The following WLS variants were observed in gnomAD, a reference collection of about 807,000 sequenced individuals.
WLS encodes protein wntless homolog.
Under a neutral mutation model 62.8 loss-of-function variants are expected in WLS, and 23 were observed. That is an observed-to-expected ratio of 0.37 (90% confidence interval 0.26 to 0.52). The LOEUF (loss-of-function observed/expected upper bound fraction) is 0.52, where lower values mean the gene tolerates loss of function less well. WLS is among the 20% of genes least tolerant of loss of function. WLS has a pLI of 0.92. For missense variants in WLS, 615 were observed against 697.3 expected (o/e 0.88, Z 1.33); for synonymous variants, 246 against 244.1 (o/e 1.01, Z -0.07).
rs116062712 is a variant in WLS at position 68,204,780 on chromosome 1, T to C, written c.107-10553A>G. On this transcript the variant is annotated intron_variant, in intron 1 of 11. Transcript: ENST00000262348. ...GAGGCCTCCTCTGATTTTCCTTCAG[T>C]TGACAAAAGATCCTTACTTCCTTTG... 2.0e-3 allele frequency among the ~76,000 whole-genome samples: 299 copies of C among 152,262 alleles called. 1 individual carries two copies. The highest frequency in any genetic ancestry group is 3.4e-3 in the Non-Finnish European group (234 of 68,016).
intron 11 of WLS, among the ~76,000 whole-genome samples, chr1:68,130,889 C>CTTTTTTTTTTTTTTTTTTT (rs56038722): frequency 2.0e-5 from 2 of 100,838 alleles, no homozygotes; most frequent in African/African-American, 3.8e-5. Flanking sequence ...GTTTCTTCTT[C>CTTTTTTTTTTTTTTTTTTT]TTTTTTTTTT....
At chr1:68,135,579 T>TA (rs759830943) in intron 11 of WLS, among the ~76,000 whole-genome samples, 2 of 152,212 alleles carry the variant, frequency 1.3e-5, no homozygotes, top group African/African-American at 2.4e-5. Flanking sequence ...TTTATGTACA[T>TA]AAAGTGCTGT....
At chr1:68,156,681 T>C (rs758731614) in intron 3 of WLS, among the ~76,000 whole-genome samples, 10 of 152,152 alleles carry the variant, frequency 6.6e-5, no homozygotes, top group Non-Finnish European at 1.5e-4. Flanking sequence ...GCATGTGAGA[T>C]TTTTAAAAAT....
At position 68,144,611 on chromosome 1, in the gene WLS, C is replaced by T; in HGVS notation, c.1320G>A (p.Leu440=). 1.2e-6 allele frequency: 2 copies of T among 1,613,732 alleles called. No individual in the cohort carries two copies. Among genetic ancestry groups the T allele is most frequent in the Non-Finnish European group, 1.7e-6 (2 of 1,179,752 alleles). ...AGATGACAGTCATGGCAGCGCAGGC[C>T]AAGGTGATAAGCATGAGGAACTTGA... is the stretch of plus-strand genomic sequence containing the variant. ...FRFKFLMLIT[L]ACAAMTVIFF... is the part of the protein sequence containing the mutation. The change falls in exon 10 of 12, where the codon TTG becomes TTA. Residue 440 remains leucine, a synonymous_variant. Coordinates refer to ENST00000262348, the MANE Select transcript of WLS (RefSeq NM_024911.7).
downstream of WLS, among the ~76,000 whole-genome samples, chr1:68,124,319 C>T (rs949320309): frequency 1.3e-5 from 2 of 152,142 alleles, no homozygotes; most frequent in South Asian, 2.1e-4. Flanking sequence ...GCATTAAAAA[C>T]CCTTCTCCAT....
intron 1 of WLS, among the ~76,000 whole-genome samples, chr1:68,218,142 G>C (rs1051494360): frequency 9.2e-5 from 14 of 152,104 alleles, no homozygotes; most frequent in African/African-American, 2.9e-4. Flanking sequence ...TGCTAAGTAG[G>C]CTTATACATT....
intron 11 of WLS, among the ~76,000 whole-genome samples, chr1:68,105,970 A>G (rs753574752): frequency 6.6e-6 from 1 of 152,198 alleles, no homozygotes; most frequent in Admixed American, 6.5e-5. Context: ...GGTGATACAT[A>G]ATCACTTCTC....
At chr1:68,146,095 G>A in intron 8 of WLS, 83 bp from the exon 9 acceptor site, 1 of 1,485,704 alleles carries the variant, frequency 6.7e-7, no homozygotes, top group Non-Finnish European at 9.1e-7. Context: ...AGGTCTGTTG[G>A]CAATACTTGT....
chr1:68,134,732 G>C (rs1276144610), intron 11 of WLS, among the ~76,000 whole-genome samples: 1 of 152,236 alleles, frequency 6.6e-6, no homozygotes, highest in Non-Finnish European at 1.5e-5. Flanking sequence ...ACCTCTTGTT[G>C]AGAATTATTT....
At chr1:68,166,622 T>A (rs1464688714) in intron 2 of WLS, among the ~76,000 whole-genome samples, 2 of 152,146 alleles carry the variant, frequency 1.3e-5, no homozygotes, top group Non-Finnish European at 2.9e-5. Context: ...CAACACAAAC[T>A]AAATACCTTT....
intron 1 of WLS, among the ~76,000 whole-genome samples, chr1:68,195,446 G>C (rs1325320905): frequency 6.6e-6 from 1 of 152,136 alleles, no homozygotes; most frequent in Non-Finnish European, 1.5e-5. Flanking sequence ...TAGTGCTTGG[G>C]CACACACAAA....
At chr1:68,221,760 G>A (rs1411587383) in intron 1 of WLS, among the ~76,000 whole-genome samples, 1 of 152,014 alleles carries the variant, frequency 6.6e-6, no homozygotes. Flanking sequence ...TAAATTAGAT[G>A]GTGCAGAAAA....
chr1:68,104,993 T>A (rs1251298166), intron 11 of WLS, among the ~76,000 whole-genome samples: 1 of 152,248 alleles, frequency 6.6e-6, no homozygotes, highest in African/African-American at 2.4e-5. Context: ...TCCTGATCTG[T>A]GAAGTCTTAG....
intron 10 of WLS, among the ~76,000 whole-genome samples, chr1:68,142,205 C>T (rs772557747): frequency 2.6e-5 from 4 of 152,300 alleles, no homozygotes; most frequent in Non-Finnish European, 4.4e-5. Flanking sequence ...AGGCATTCCC[C>T]GCAGAGGCAA....
chr1:68,162,443 T>C (rs1353095323), intron 2 of WLS: 1 of 1,613,748 alleles, frequency 6.2e-7, no homozygotes, highest in African/African-American at 1.3e-5. Flanking sequence ...GATCGCTCGA[T>C]CCCATCCTGC....
intron 2 of WLS, among the ~76,000 whole-genome samples, chr1:68,160,303 C>A (rs938221317): frequency 1.3e-5 from 2 of 151,858 alleles, no homozygotes; most frequent in African/African-American, 4.8e-5. Flanking sequence ...AAAAGTTGAG[C>A]AACTTTGTTT....
At chr1:68,188,616 A>G (rs1275637514) in intron 2 of WLS, among the ~76,000 whole-genome samples, 1 of 152,244 alleles carries the variant, frequency 6.6e-6, no homozygotes, top group East Asian at 1.9e-4. Context: ...GGAAGGCTCC[A>G]GGGGAATGTA....
chr1:68,155,562 T>G (rs1265163571), intron 3 of WLS, among the ~76,000 whole-genome samples: 2 of 152,208 alleles, frequency 1.3e-5, no homozygotes, highest in African/African-American at 4.8e-5. Context: ...CTGTTTAATC[T>G]TCATTAGAAC....
intron 5 of WLS, among the ~76,000 whole-genome samples, chr1:68,150,881 A>G (rs776855916): frequency 3.3e-5 from 5 of 152,362 alleles, no homozygotes; most frequent in Admixed American, 6.5e-5. Context: ...AAGAACTGCC[A>G]ATTCTCTACT....
Sources: allele counts gnomAD v4.1 joint callset (sites outside exome capture counted in the v4.1 genomes callset), GRCh38; gene constraint gnomAD v4.1.1; transcripts MANE v1.5; gene names NCBI Gene and HGNC (gene_info 2026-07-23, HGNC 2026-07-21).